MTHFSD: variants seen among roughly 807,000 people sequenced by gnomAD.
The protein encoded by MTHFSD is methenyltetrahydrofolate synthase domain-containing protein.
MTHFSD carries 37 observed loss-of-function variants against 31.1 expected under a neutral mutation model. The observed-to-expected ratio is 1.19, with a 90% CI of 0.91 to 1.56. The LOEUF is 1.56. MTHFSD is among the 40% of genes most tolerant of loss of function. The pLI is 0.00. For synonymous variants in MTHFSD, 221 were observed against 206.9 expected, an observed-to-expected ratio of 1.07 and a Z score of -0.59; for missense variants, 664 against 510.1, an observed-to-expected ratio of 1.30 and a Z score of -2.91.
At chr16:86,545,705 A>T (rs1420173722) in intron 5 of MTHFSD, among the ~76,000 whole-genome samples, 2 of 152,012 alleles carry the variant, frequency 1.3e-5, no homozygotes, top group African/African-American at 4.8e-5. Flanking sequence ...TGTGTCCAGC[A>T]CTGAGCACGT....
rs750393246 is a variant in MTHFSD, at chr16:86,531,967, C to G, written c.*44G>C. ...CCATCGGAACCGGAGCGGCAGGGGA[C>G]GGGGATGGCGAGTCTGCAGTGAGCT... On this transcript the variant is annotated 3_prime_UTR_variant, in exon 8 of 8. Transcript: ENST00000360900. This position sits in a 1 kb window ranked among gnomAD's most constrained non-coding sequence, Gnocchi z 5.5. 31 of 1,315,746 alleles carry G rather than the reference C, an allele frequency of 2.4e-5. No homozygotes were observed. Among genetic ancestry groups the G allele is most frequent in the Non-Finnish European group, 3.1e-5 (31 of 1,009,282 alleles). 81.5% of individuals were successfully genotyped at this position (1,315,746 alleles called of 1,614,324 possible).
chr16:86,551,750 T>C (rs1973176342), intron 3 of MTHFSD, among the ~76,000 whole-genome samples: 1 of 152,160 alleles, frequency 6.6e-6, no homozygotes, highest in Non-Finnish European at 1.5e-5. Context: ...TCTGCCTGGG[T>C]TCCCTCTCCT....
intron 7 of MTHFSD, among the ~76,000 whole-genome samples, chr16:86,537,541 T>G (rs1242241145): frequency 6.6e-6 from 1 of 152,222 alleles, no homozygotes; most frequent in East Asian, 1.9e-4. Context: ...TAATTCTTTT[T>G]CAATGAAAGC....
chr16:86,535,434 G>A, intron 7 of MTHFSD: 2 of 985,432 alleles, frequency 2.0e-6, no homozygotes, highest in Non-Finnish European at 2.4e-6. Flanking sequence ...CAGGGTGTCT[G>A]GACGTCATGG....
Position 86,536,206 on chromosome 16 carries a change from T to C in MTHFSD, c.682-3725A>G, listed in dbSNP as rs182203572. On this transcript the variant is annotated intron_variant, in intron 7 of 7. Transcript: ENST00000360900. ...TACTAAGTTCAACCTCCATAAATAA[T>C]GAGTTCTCTTGCCTGAGACTAAATT... 3.3e-5 allele frequency among the ~76,000 whole-genome samples: 5 copies of C among 152,320 alleles called. No homozygotes were observed. The East Asian group carries it at 5.8e-4, about 18-fold the overall frequency.
intron 5 of MTHFSD, among the ~76,000 whole-genome samples, chr16:86,544,469 A>G (rs1196054476): frequency 6.6e-6 from 1 of 152,236 alleles, no homozygotes; most frequent in Non-Finnish European, 1.5e-5. Context: ...GCCAACAAAC[A>G]TGGAAAAAAG....
At position 86,552,114 on chromosome 16, in the gene MTHFSD, G is replaced by A. The variant is rs1331658807; in HGVS notation, c.156C>T (p.Asp52=). The change falls in exon 3 of 8, where the codon GAC becomes GAT. Residue 52 remains aspartate, a synonymous_variant. Coordinates refer to ENST00000360900, the MANE Select transcript of MTHFSD (RefSeq NM_001159377.2). ...CCTGTGTTCTGGCAAAAACGTCTAGGTCTTTGATGTTTTGGCAAGCCAGAT... is the reference window on the plus strand; with the variant it reads ...CCTGTGTTCTGGCAAAAACGTCTAGATCTTTGATGTTTTGGCAAGCCAGAT... ...GSYLACQNIK[D]LDVFARTQEV... is the part of the protein sequence containing the mutation. The A allele has an allele frequency of 1.9e-6, 3 of 1,614,168 alleles. No homozygotes were observed. Among genetic ancestry groups the A allele is most frequent in the Non-Finnish European group, 2.5e-6 (3 of 1,180,054 alleles).
Position 86,555,196 on chromosome 16 carries a change from C to A in MTHFSD, c.-12G>T. On this transcript the variant is annotated 5_prime_UTR_variant, in exon 1 of 8. Transcript: ENST00000360900. Reference sequence around the variant, plus strand: ...GCCCTCGGCTCCATGGTGATGCAGTCGCTGTGCGACGCTTCCCGGCGCAGG... The same window carrying A: ...GCCCTCGGCTCCATGGTGATGCAGTAGCTGTGCGACGCTTCCCGGCGCAGG... 1 of 1,536,732 alleles carries A rather than the reference C, an allele frequency of 6.5e-7. No homozygotes were observed. The highest frequency in any genetic ancestry group is 1.4e-5 in the African/African-American group (1 of 73,192).
chr16:86,554,054 A>G (rs1973636903), intron 2 of MTHFSD, among the ~76,000 whole-genome samples: 1 of 152,168 alleles, frequency 6.6e-6, no homozygotes, highest in Non-Finnish European at 1.5e-5. Context: ...AATCAGCAGG[A>G]TGTGGGTGGG....
Position 86,539,222 on chromosome 16 carries a change from G to A in MTHFSD, c.681+2475C>T, listed in dbSNP as rs145079155. Among the ~76,000 whole-genome samples, 203 of 152,278 alleles carry A rather than the reference G, an allele frequency of 1.3e-3. 1 individual carries two copies. Among genetic ancestry groups the A allele is most frequent in the African/African-American group, 4.6e-3 (191 of 41,550 alleles). ...GGAGCAGCCAAAGGGCTGGAGAGCC[G>A]GGGTCAGTGCCTTTCTCTCCTTGTC... On this transcript the variant is annotated intron_variant, in intron 7 of 7. Coordinates refer to ENST00000360900, the MANE Select transcript of MTHFSD (RefSeq NM_001159377.2).
At chr16:86,554,368 G>A (rs1000874485) in intron 2 of MTHFSD, among the ~76,000 whole-genome samples, 1 of 152,142 alleles carries the variant, frequency 6.6e-6, no homozygotes, top group African/African-American at 2.4e-5. Flanking sequence ...CTTCATTCTT[G>A]AAGTCAGTGA....
At chr16:86,554,937 C>G in intron 1 of MTHFSD, 186 bp from the exon 2 acceptor site, 2 of 1,197,170 alleles carry the variant, frequency 1.7e-6, no homozygotes, top group South Asian at 1.6e-5. Context: ...AGGTGTCCCT[C>G]CCGCCTCGTC....
intron 1 of MTHFSD, 120 bp downstream of exon 1, chr16:86,555,049 G>A: frequency 6.8e-7 from 1 of 1,468,784 alleles, no homozygotes; most frequent in Non-Finnish European, 9.0e-7. Context: ...GACCTCCTCG[G>A]CCGCTTCCGG....
chr16:86,532,065 G>C lies in MTHFSD; in HGVS notation c.1098C>G (p.Arg366=), dbSNP rs776468633. 1.2e-5 allele frequency: 18 copies of C among 1,521,090 alleles called. No homozygotes were observed. Among genetic ancestry groups the C allele is most frequent in the Non-Finnish European group, 1.5e-5 (17 of 1,135,716 alleles). 94.2% of individuals were successfully genotyped at this position (1,521,090 alleles called of 1,614,324 possible). A position where few individuals can be genotyped will look rare whatever the true frequency, so the allele number is the denominator to read the frequency against. ...CCACCCTCAGGGTGTCGGTGCCCAG[G>C]CGCAGGCCCTGCAAGCAGGAGACGG... ...QQAVSCLQGL[R]LGTDTLRVAL... is the part of the protein sequence containing the mutation. Residue 366 remains arginine (R), a synonymous_variant, in exon 8 of 8, where the codon CGC becomes CGG. Coordinates refer to ENST00000360900, the MANE Select transcript of MTHFSD (RefSeq NM_001159377.2).
chr16:86,549,717 T>C (rs965559080), intron 3 of MTHFSD, among the ~76,000 whole-genome samples: 5 of 152,280 alleles, frequency 3.3e-5, no homozygotes, highest in African/African-American at 1.2e-4. Flanking sequence ...GAACCTGGCA[T>C]GGCCAACAGT....
At chr16:86,535,366 G>A (rs1970546064) in intron 7 of MTHFSD, 1 of 985,062 alleles carries the variant, frequency 1.0e-6, no homozygotes, top group South Asian at 4.7e-5. Context: ...GCCAGCAGCT[G>A]GATGACCACG....
intron 3 of MTHFSD, among the ~76,000 whole-genome samples, chr16:86,550,729 C>G (rs1973024946): frequency 6.6e-6 from 1 of 152,342 alleles, no homozygotes; most frequent in South Asian, 2.1e-4. Context: ...ATTACTACTT[C>G]TAGCTTATTA....
In MTHFSD at chr16:86,547,636, A is replaced by G. The variant is rs951484283; in HGVS notation, c.351+828T>C. On this transcript the variant is annotated intron_variant, in intron 4 of 7. Transcript: ENST00000360900. ...CACCATGCTTTCGTCTCAGTTTTCT[A>G]TCTTTCTTTTTCCTTTGCTCCTTTC... The G allele has an allele frequency of 1.3e-5, 11 of 842,716 alleles. No individual in the cohort carries two copies. The East Asian group carries it at 9.8e-4, about 75-fold the overall frequency. The allele number at this position is 842,716 out of a possible 1,614,324, so 52.2% of individuals were successfully genotyped here.
In MTHFSD at chr16:86,546,492, C is replaced by T. The variant is rs1475887002; in HGVS notation, c.442+67G>A. On this transcript the variant is annotated intron_variant, in intron 5 of 7. Coordinates refer to ENST00000360900, the MANE Select transcript of MTHFSD (RefSeq NM_001159377.2). ...CCACTGGCGACTTTTGAAAGACAAACAGCCTGGCACGCAGCCGCCTTCAGG... is the reference window on the plus strand; with the variant it reads ...CCACTGGCGACTTTTGAAAGACAAATAGCCTGGCACGCAGCCGCCTTCAGG... 24 of 1,409,416 alleles carry T rather than the reference C, an allele frequency of 1.7e-5. No homozygotes were observed. The South Asian group carries it at 2.5e-4, about 15-fold the overall frequency. 87.3% of individuals were successfully genotyped at this position (1,409,416 alleles called of 1,614,324 possible).
Sources: allele counts gnomAD v4.1 joint callset (sites outside exome capture counted in the v4.1 genomes callset), GRCh38; gene constraint gnomAD v4.1.1; non-coding constraint Gnocchi (gnomAD v3.1); transcripts MANE v1.5; gene names NCBI Gene and HGNC (gene_info 2026-07-23, HGNC 2026-07-21).